The following XKR6 variants were observed in gnomAD, a reference collection of about 807,000 sequenced individuals.
The protein encoded by XKR6 is XK related 6.
A neutral mutation model predicts 56.7 loss-of-function variants in XKR6; 22 were observed. The ratio of observed to expected loss-of-function variants is 0.39; its 90% CI spans 0.28 to 0.55. The LOEUF is 0.55. Among genes scored for constraint, XKR6 ranks in the 20% least tolerant of loss-of-function variants. The probability of loss-of-function intolerance (pLI) is 0.66; values close to 1 mark genes in which losing one functional copy is unlikely to be tolerated. For synonymous variants in XKR6, 524 were observed against 387.8 expected (o/e 1.35, Z -4.13); for missense variants, 852 against 889.0 (o/e 0.96, Z 0.53).
At chr8:10,922,458 C>A (rs2129116372) in intron 2 of XKR6, among the ~76,000 whole-genome samples, 1 of 152,362 alleles carries the variant, frequency 6.6e-6, no homozygotes, top group Middle Eastern at 3.4e-3. Context: ...GTGCTCACTT[C>A]CACAGAGCTC....
chr8:11,137,526 C>G, intron 1 of XKR6: 1 of 455,996 alleles, frequency 2.2e-6, no homozygotes, highest in Non-Finnish European at 4.4e-6. Flanking sequence ...GGCCAGGCAA[C>G]TGCTGCGGTA....
At chr8:11,087,907 A>G (rs1797942649) in intron 1 of XKR6, among the ~76,000 whole-genome samples, 2 of 152,196 alleles carry the variant, frequency 1.3e-5, no homozygotes, top group African/African-American at 4.8e-5. Context: ...CTGCATAAAG[A>G]CCTCATCCAC....
At chr8:11,165,405 G>A (rs1256224657) in intron 1 of XKR6, among the ~76,000 whole-genome samples, 2 of 151,930 alleles carry the variant, frequency 1.3e-5, no homozygotes, top group African/African-American at 2.4e-5. Flanking sequence ...GCTGGCTATC[G>A]CTATTTTAAG....
intron 1 of XKR6, chr8:11,128,788 T>C (rs1310448035): frequency 2.2e-6 from 1 of 455,978 alleles, no homozygotes; most frequent in South Asian, 1.6e-5. Context: ...GCCCATCAGC[T>C]GACCAAATTA....
intron 1 of XKR6, among the ~76,000 whole-genome samples, chr8:10,929,796 C>T (rs1254395423): frequency 6.6e-6 from 1 of 152,190 alleles, no homozygotes; most frequent in Non-Finnish European, 1.5e-5. Context: ...TTAGAAGTCA[C>T]CATGCAGATG....
intron 1 of XKR6, among the ~76,000 whole-genome samples, chr8:10,992,270 CTG>C: frequency 1.4e-5 from 2 of 145,094 alleles, no homozygotes; most frequent in African/African-American, 5.8e-5. Context: ...CTCTGTCTCT[CTG>C]TCTCTCTCTC....
At chr8:11,195,170 G>T (rs535361237) in intron 1 of XKR6, 11 of 703,296 alleles carry the variant, frequency 1.6e-5, no homozygotes, top group Non-Finnish European at 2.6e-5. Context: ...GCAACTTCAT[G>T]TGGTTAAATC....
chr8:11,020,293 C>G (rs1034155011), intron 1 of XKR6, among the ~76,000 whole-genome samples: 1 of 152,178 alleles, frequency 6.6e-6, no homozygotes, highest in Non-Finnish European at 1.5e-5. Flanking sequence ...CATCCCGACA[C>G]GGAAGCACAA....
intron 1 of XKR6, among the ~76,000 whole-genome samples, chr8:11,049,542 G>T (rs896942402): frequency 6.6e-6 from 1 of 152,122 alleles, no homozygotes. Flanking sequence ...ACACCACTAA[G>T]AGGGATTTTT....
intron 1 of XKR6, among the ~76,000 whole-genome samples, chr8:11,190,061 G>T (rs964623351): frequency 2.0e-5 from 3 of 152,052 alleles, no homozygotes; most frequent in African/African-American, 7.2e-5. Flanking sequence ...GGAGGCTGAG[G>T]CAGAAGAATC....
chr8:11,037,288 C>A (rs1799170686), intron 1 of XKR6, among the ~76,000 whole-genome samples: 1 of 152,162 alleles, frequency 6.6e-6, no homozygotes, highest in African/African-American at 2.4e-5. Flanking sequence ...TGTGGTGGTA[C>A]AATCTCGGCT....
At chr8:10,901,829 A>G (rs2129107171) in intron 2 of XKR6, among the ~76,000 whole-genome samples, 1 of 152,334 alleles carries the variant, frequency 6.6e-6, no homozygotes, top group East Asian at 1.9e-4. Flanking sequence ...CTTGGGGTGC[A>G]GAGTTAGGAT....
At chr8:11,059,405 G>A (rs770092818) in intron 1 of XKR6, among the ~76,000 whole-genome samples, 1 of 152,234 alleles carries the variant, frequency 6.6e-6, no homozygotes, top group African/African-American at 2.4e-5. Flanking sequence ...GCTGGCGCCC[G>A]AAGGGAGTCC....
intron 1 of XKR6, among the ~76,000 whole-genome samples, chr8:10,982,927 C>T (rs986596945): frequency 1.3e-5 from 2 of 152,188 alleles, no homozygotes; most frequent in Non-Finnish European, 1.5e-5. Flanking sequence ...ATTTCCGCTC[C>T]TTCCTAGCTA....
At chr8:11,049,428 C>A (rs938448425) in intron 1 of XKR6, among the ~76,000 whole-genome samples, 4 of 152,170 alleles carry the variant, frequency 2.6e-5, no homozygotes, top group Non-Finnish European at 4.4e-5. Flanking sequence ...GCCCCTGACC[C>A]GGGGCTGGCT....
intron 1 of XKR6, among the ~76,000 whole-genome samples, chr8:11,085,473 T>C (rs1797856027): frequency 6.6e-6 from 1 of 152,108 alleles, no homozygotes. Context: ...TGTGCATGTG[T>C]GTGTGTGTGC....
At chr8:11,018,065 A>G (rs2129147828) in intron 1 of XKR6, among the ~76,000 whole-genome samples, 1 of 152,282 alleles carries the variant, frequency 6.6e-6, no homozygotes, top group East Asian at 1.9e-4. Context: ...CACATGTGAC[A>G]ATCCCCGAGT....
At chr8:11,071,241 GA>G (rs1051768335) in intron 1 of XKR6, among the ~76,000 whole-genome samples, 3 of 151,934 alleles carry the variant, frequency 2.0e-5, no homozygotes, top group Non-Finnish European at 2.9e-5. Context: ...AGGTACTGAA[GA>G]AAAAAATTTC....
rs61142313 is a variant in XKR6 at position 11,132,786 on chromosome 8, C to CACACAT, written c.764+67789_764+67790insATGTGT. 4.6e-3 allele frequency among the ~76,000 whole-genome samples: 690 copies of CACACAT among 151,086 alleles called. 8 individuals are homozygous for CACACAT. The highest frequency in any genetic ancestry group is 0.016 in the African/African-American group (643 of 40,884). On this transcript the variant is annotated intron_variant, in intron 1 of 2. Coordinates refer to ENST00000416569, the MANE Select transcript of XKR6 (RefSeq NM_173683.4). ...ACGCACGCACACACACACACACACA[C>CACACAT]GCACATTTTTTTTCTTGGAAGACTT... is the stretch of plus-strand genomic sequence containing the variant.
Sources: gnomAD v4.1 joint callset for allele counts (sites outside exome capture counted in the v4.1 genomes callset) on GRCh38, gnomAD v4.1.1 for gene constraint, MANE v1.5 for transcripts, NCBI Gene and HGNC (gene_info 2026-07-23, HGNC 2026-07-21) for gene names.